The following TSC22D1 variants were observed in gnomAD, a reference collection of about 807,000 sequenced individuals.
The protein encoded by TSC22D1 is TSC22 domain family protein 1.
TSC22D1 carries 9 observed loss-of-function variants against 74.2 expected under a neutral mutation model. The observed-to-expected ratio is 0.12, with a 90% CI of 0.07 to 0.21. TSC22D1 has a LOEUF of 0.21. TSC22D1 is among the 10% of genes least tolerant of loss of function. TSC22D1 has a pLI of 1.00. For synonymous variants in TSC22D1, 586 were observed against 492.5 expected, an observed-to-expected ratio of 1.19 and a Z score of -2.51; for missense variants, 1,427 against 1,304.7, an observed-to-expected ratio of 1.09 and a Z score of -1.44.
intron 1 of TSC22D1, among the ~76,000 whole-genome samples, chr13:44,445,539 T>A (rs1484048669): frequency 6.6e-6 from 1 of 152,068 alleles, no homozygotes; most frequent in Admixed American, 6.6e-5. Flanking sequence ...ACTTTTACCA[T>A]AATGAAAAAC....
At chr13:44,564,657 T>C (rs1883252529) in intron 1 of TSC22D1, among the ~76,000 whole-genome samples, 1 of 152,110 alleles carries the variant, frequency 6.6e-6, no homozygotes, top group Non-Finnish European at 1.5e-5. Context: ...AGAAATTACC[T>C]TAAAATAAAT....
intron 1 of TSC22D1, among the ~76,000 whole-genome samples, chr13:44,535,707 C>A (rs1014742419): frequency 7.9e-5 from 12 of 151,830 alleles, no homozygotes; most frequent in African/African-American, 2.9e-4. Context: ...TAGTTAACCT[C>A]GTCAGTGATG....
Position 44,575,890 on chromosome 13 carries a change from G to A in TSC22D1, c.185C>T (p.Ser62Leu), listed in dbSNP as rs761276255. 7.4e-6 allele frequency: 12 copies of A among 1,613,890 alleles called. No individual in the cohort carries two copies. The South Asian group carries it at 8.8e-5, about 12-fold the overall frequency. The change falls in exon 1 of 3, where the codon TCG becomes TTG. Residue 62 changes from serine to leucine, a missense_variant. Ser to Leu is a moderately radical substitution (Grantham distance 145). This residue lies in a region of TSC22D1 where 1,343 missense variants were observed against 1,191.5 expected (regional missense o/e 1.13). Coordinates refer to ENST00000458659, the MANE Select transcript of TSC22D1 (RefSeq NM_183422.4). ...TGCAGGGGGCGGCGGCTGAAGCAGC[G>A]ACGGAGGCGGAAAATCCTCGGAAGA... ...ATSSEDFPPPSLLQPPPPAAS... is the reference protein window; with the variant it reads ...ATSSEDFPPPLLLQPPPPAAS...
Position 44,547,380 on chromosome 13 carries a change from A to G in TSC22D1, c.2912+25783T>C, listed in dbSNP as rs544876303. Among the ~76,000 whole-genome samples, 284 of 152,280 alleles carry G rather than the reference A, an allele frequency of 1.9e-3. 1 individual carries two copies. The highest frequency in any genetic ancestry group is 4.7e-3 in the African/African-American group (194 of 41,542). On this transcript the variant is annotated intron_variant, in intron 1 of 2. Transcript: ENST00000458659. Reference sequence around the variant, plus strand: ...TCTAGAGAACTTTAATTCAGAAGATAATATGTGAGAGATCAAAAGGGAAAA... The same window carrying G: ...TCTAGAGAACTTTAATTCAGAAGATGATATGTGAGAGATCAAAAGGGAAAA...
chr13:44,500,777 T>C (rs1052716334), intron 1 of TSC22D1, among the ~76,000 whole-genome samples: 19 of 152,152 alleles, frequency 1.2e-4, no homozygotes, highest in Admixed American at 2.6e-4. Flanking sequence ...CTCAAATTCC[T>C]GGGTTCAAGC....
In TSC22D1 at chr13:44,575,880, C is replaced by T; in HGVS notation, c.195G>A (p.Gln65=). The part of the protein sequence containing the change: ...SEDFPPPSLL[Q]PPPPAASSTS... ...TAGAAGATGCTGCAGGGGGCGGCGG[C>T]TGAAGCAGCGACGGAGGCGGAAAAT... Residue 65 remains glutamine (Q), a synonymous_variant, in exon 1 of 3, where the codon CAG becomes CAA. Transcript: ENST00000458659. 1 of 1,614,044 alleles carries T rather than the reference C, an allele frequency of 6.2e-7. No individual in the cohort carries two copies. Among genetic ancestry groups the T allele is most frequent in the Non-Finnish European group, 8.5e-7 (1 of 1,180,012 alleles).
At chr13:44,505,046 GCT>G (rs2137992661) in intron 1 of TSC22D1, among the ~76,000 whole-genome samples, 1 of 152,262 alleles carries the variant, frequency 6.6e-6, no homozygotes, top group African/African-American at 2.4e-5. Flanking sequence ...GAATCGTAGT[GCT>G]CTTTTCCTTT....
intron 1 of TSC22D1, among the ~76,000 whole-genome samples, chr13:44,562,828 C>G (rs1028330920): frequency 6.6e-6 from 1 of 152,032 alleles, no homozygotes; most frequent in Non-Finnish European, 1.5e-5. Flanking sequence ...TAAATTGAGC[C>G]GGGAGCCGTG....
At chr13:44,561,988 C>T (rs1405917358) in intron 1 of TSC22D1, among the ~76,000 whole-genome samples, 1 of 152,048 alleles carries the variant, frequency 6.6e-6, no homozygotes, top group East Asian at 1.9e-4. Flanking sequence ...TTTCAGATAC[C>T]TAAGAGATTT....
At chr13:44,548,526 T>A (rs970217402) in intron 1 of TSC22D1, among the ~76,000 whole-genome samples, 2 of 152,222 alleles carry the variant, frequency 1.3e-5, no homozygotes, top group Non-Finnish European at 2.9e-5. Context: ...TTAAGCAAGC[T>A]AAGCTTAAGC....
chr13:44,451,758 A>G (rs1876154589), intron 1 of TSC22D1, among the ~76,000 whole-genome samples: 2 of 152,236 alleles, frequency 1.3e-5, no homozygotes, highest in Non-Finnish European at 2.9e-5. Context: ...CTGTGAGATG[A>G]GGCCATATCA....
chr13:44,493,223 C>A (rs1054940764), intron 1 of TSC22D1, among the ~76,000 whole-genome samples: 2 of 152,172 alleles, frequency 1.3e-5, no homozygotes, highest in Non-Finnish European at 2.9e-5. Flanking sequence ...CAATGCCCTC[C>A]CTGATTTAGT....
chr13:44,436,130 T>C (rs1818407496), intron 1 of TSC22D1, 35 bp from the exon 2 acceptor site: 2 of 1,604,048 alleles, frequency 1.2e-6, no homozygotes, highest in South Asian at 1.1e-5. Context: ...CATCGATAAA[T>C]GGAATTTATC....
At chr13:44,456,237 G>C (rs1025445479) in intron 1 of TSC22D1, among the ~76,000 whole-genome samples, 2 of 152,220 alleles carry the variant, frequency 1.3e-5, no homozygotes, top group African/African-American at 2.4e-5. Context: ...TTCCACGGCG[G>C]AGAAGAAGAC....
chr13:44,470,360 C>T (rs7322429), intron 1 of TSC22D1, among the ~76,000 whole-genome samples: 112 of 152,266 alleles, frequency 7.4e-4, no homozygotes, highest in African/African-American at 2.6e-3. Flanking sequence ...AAGGCATAAA[C>T]TGCCTTGAAA....
At chr13:44,474,488 G>C (rs954720087) in intron 1 of TSC22D1, among the ~76,000 whole-genome samples, 1 of 152,136 alleles carries the variant, frequency 6.6e-6, no homozygotes, top group African/African-American at 2.4e-5. Context: ...TAAAAGGCAT[G>C]GGTGATTTTC....
At position 44,573,795 on chromosome 13, in the gene TSC22D1, T is replaced by C; in HGVS notation, c.2280A>G (p.Pro760=). 2 of 1,614,238 alleles carry C rather than the reference T, an allele frequency of 1.2e-6. No individual in the cohort carries two copies. The highest frequency in any genetic ancestry group is 8.5e-7 in the Non-Finnish European group (1 of 1,180,036). Residue 760 remains proline (P), a synonymous_variant, in exon 1 of 3, where the codon CCA becomes CCG. Transcript: ENST00000458659. The part of the protein sequence containing the change: ...PPSVIQQGAP[P]SSQVVPPAQT... ...GAGCAGGTGGAACCACTTGCGAAGA[T>C]GGAGGAGCACCCTGCTGAATAACTG... is the stretch of plus-strand genomic sequence containing the variant.
intron 1 of TSC22D1, chr13:44,539,708 G>A: frequency 1.7e-6 from 2 of 1,196,676 alleles, no homozygotes; most frequent in South Asian, 1.6e-5. Context: ...AATTAAATGG[G>A]CAATGGAAGG....
chr13:44,485,290 A>G (rs1304574326), intron 1 of TSC22D1, among the ~76,000 whole-genome samples: 1 of 152,202 alleles, frequency 6.6e-6, no homozygotes, highest in Non-Finnish European at 1.5e-5. Context: ...AGCCATAAGC[A>G]ATAGGCCCTA....
Sources: gnomAD v4.1 joint callset for allele counts (sites outside exome capture counted in the v4.1 genomes callset) on GRCh38, gnomAD v4.1.1 for gene constraint, gnomAD v4.1.1 regional missense constraint, MANE v1.5 for transcripts, NCBI Gene and HGNC (gene_info 2026-07-23, HGNC 2026-07-21) for gene names.